Variants in SCARA3 observed in about 807,000 individuals in gnomAD.
SCARA3 encodes the protein cellular stress response gene protein.
A neutral mutation model predicts 47.0 loss-of-function variants in SCARA3; 39 were observed. The ratio of observed to expected loss-of-function variants is 0.83; its 90% CI spans 0.64 to 1.08. The LOEUF (loss-of-function observed/expected upper bound fraction) is 1.08. Among genes scored for constraint, SCARA3 ranks in the 50% least tolerant of loss-of-function variants. SCARA3 has a pLI of 0.00. For missense variants in SCARA3, 724 were observed against 792.3 expected, an observed-to-expected ratio of 0.91 and a Z score of 1.04; for synonymous variants, 356 against 334.1, an observed-to-expected ratio of 1.07 and a Z score of -0.71.
In SCARA3 at chr8:27,671,561, CACAT is replaced by C. The variant is rs1802157939; in HGVS notation, c.*211_*214del. 1.6e-6 allele frequency: 2 copies of C among 1,273,316 alleles called. No individual in the cohort carries two copies. The highest frequency in any genetic ancestry group is 2.0e-6 in the Non-Finnish European group (2 of 1,013,412). 78.9% of individuals were successfully genotyped at this position (1,273,316 alleles called of 1,614,324 possible). On this transcript the variant is annotated 3_prime_UTR_variant, in exon 6 of 6. Transcript: ENST00000301904. Reference sequence around the variant, plus strand: ...TCACACATACATGTGCACATGCACACACATGCATGCACACACATGCACACATACA... The same window carrying C: ...TCACACATACATGTGCACATGCACACGCATGCACACACATGCACACATACA...
chr8:27,669,120 T>A (rs1435025134), intron 5 of SCARA3, among the ~76,000 whole-genome samples: 1 of 151,570 alleles, frequency 6.6e-6, no homozygotes. Context: ...GGGGGAGAAG[T>A]GAGCCCAGGA....
chr8:27,705,118 C>T, the SCARA3 span, among the ~76,000 whole-genome samples: 1 of 152,134 alleles, frequency 6.6e-6, no homozygotes, highest in African/African-American at 2.4e-5. Context: ...ACCCTGCATC[C>T]CCCATCAAAA....
At chr8:27,668,583 G>A (rs1334750385) in intron 5 of SCARA3, among the ~76,000 whole-genome samples, 1 of 151,408 alleles carries the variant, frequency 6.6e-6, no homozygotes, top group East Asian at 1.9e-4. Flanking sequence ...ATATAGGCCA[G>A]GTGGGATGGC....
chr8:27,670,820 G>T, intron 5 of SCARA3, 80 bp from the exon 6 acceptor site: 4 of 1,228,064 alleles, frequency 3.3e-6, no homozygotes, highest in Non-Finnish European at 4.5e-6. Flanking sequence ...GGCTGTCGCC[G>T]TGCCCGCTCT....
At chr8:27,644,786 C>A (rs780947004) in intron 1 of SCARA3, among the ~76,000 whole-genome samples, 22 of 152,176 alleles carry the variant, frequency 1.4e-4, no homozygotes, top group Non-Finnish European at 2.8e-4. Context: ...AGGCACTCCT[C>A]GATTTTCAGC....
chr8:27,729,868 T>C, the SCARA3 span, among the ~76,000 whole-genome samples: 1 of 152,070 alleles, frequency 6.6e-6, no homozygotes, highest in Non-Finnish European at 1.5e-5. Context: ...CCGCGGAAGG[T>C]AGAGTCTAGG....
In SCARA3 at chr8:27,671,761, CAT is replaced by C. The variant is rs202068623; in HGVS notation, c.*411_*412del. 1.1e-4 allele frequency: 107 copies of C among 1,005,900 alleles called. 1 individual carries two copies. The East Asian group carries it at 8.2e-3, about 77-fold the overall frequency. 62.3% of individuals were successfully genotyped at this position (1,005,900 alleles called of 1,614,324 possible). A position where few individuals can be genotyped will look rare whatever the true frequency, so the allele number is the denominator to read the frequency against. On this transcript the variant is annotated 3_prime_UTR_variant, in exon 6 of 6. Coordinates refer to ENST00000301904, the MANE Select transcript of SCARA3 (RefSeq NM_016240.3). ...GCACACATATATGCACAGGCACACA[CAT>C]GTACGCACACACACATGCACTGCAC...
At chr8:27,660,542 G>A (rs1202350364) in intron 5 of SCARA3, among the ~76,000 whole-genome samples, 1 of 151,378 alleles carries the variant, frequency 6.6e-6, no homozygotes, top group Non-Finnish European at 1.5e-5. Context: ...GAGATAGATA[G>A]ATAGATAGAT....
chr8:27,732,100 G>A, the SCARA3 span, among the ~76,000 whole-genome samples: 2 of 152,196 alleles, frequency 1.3e-5, no homozygotes, highest in African/African-American at 4.8e-5. Context: ...ACACCAGCAG[G>A]AGCCCAGGCA....
the SCARA3 span, among the ~76,000 whole-genome samples, chr8:27,710,058 G>C: frequency 1.3e-5 from 2 of 152,008 alleles, no homozygotes; most frequent in African/African-American, 4.8e-5. Flanking sequence ...CTGAAACCGC[G>C]TCTCTACTAC....
the SCARA3 span, among the ~76,000 whole-genome samples, chr8:27,709,019 A>G: frequency 6.6e-6 from 1 of 152,316 alleles, no homozygotes; most frequent in East Asian, 1.9e-4. Flanking sequence ...TCTTCTGGGT[A>G]GGAAGCACAG....
downstream of SCARA3, among the ~76,000 whole-genome samples, chr8:27,676,209 T>C (rs1178769574): frequency 3.3e-5 from 5 of 152,208 alleles, no homozygotes; most frequent in African/African-American, 1.2e-4. Flanking sequence ...AGACCTGTGT[T>C]TGCATCTGAG....
At chr8:27,699,252 A>G in the SCARA3 span, among the ~76,000 whole-genome samples, 617 of 150,816 alleles carry the variant, frequency 4.1e-3, 6 homozygotes, top group African/African-American at 0.014. Flanking sequence ...TCAAATAAAA[A>G]TTAAAAAAAA....
intron 3 of SCARA3, among the ~76,000 whole-genome samples, chr8:27,652,221 G>A (rs1436636424): frequency 5.9e-5 from 9 of 152,230 alleles, no homozygotes; most frequent in African/African-American, 1.9e-4. Context: ...TCTGAGGTTT[G>A]GTTCTTCTCA....
chr8:27,726,893 C>A, the SCARA3 span, among the ~76,000 whole-genome samples: 22 of 151,962 alleles, frequency 1.4e-4, no homozygotes, highest in Non-Finnish European at 2.6e-4. Flanking sequence ...TCAAGCAATT[C>A]TCCTGCCTCA....
At chr8:27,660,013 G>GAGAA (rs1348261596) in intron 5 of SCARA3, among the ~76,000 whole-genome samples, 1 of 151,950 alleles carries the variant, frequency 6.6e-6, no homozygotes, top group Non-Finnish European at 1.5e-5. Context: ...AGTCCTAATA[G>GAGAA]AGAAATAAGC....
chr8:27,712,895 A>G, the SCARA3 span, among the ~76,000 whole-genome samples: 1 of 152,342 alleles, frequency 6.6e-6, no homozygotes, highest in South Asian at 2.1e-4. Context: ...ACTCATGAAA[A>G]AGTTCCAAGT....
At chr8:27,703,071 G>A in the SCARA3 span, 10 of 152,528 alleles carry the variant, frequency 6.6e-5, no homozygotes, top group African/African-American at 2.4e-4. Flanking sequence ...AACTGGCATG[G>A]AACCCAGGGC....
At chr8:27,691,618 T>C in the SCARA3 span, among the ~76,000 whole-genome samples, 1 of 152,170 alleles carries the variant, frequency 6.6e-6, no homozygotes, top group Admixed American at 6.5e-5. Context: ...CCTGTAAATT[T>C]CAGTGCACAA....
Sources: gnomAD v4.1 joint callset for allele counts (sites outside exome capture counted in the v4.1 genomes callset) on GRCh38, gnomAD v4.1.1 for gene constraint, MANE v1.5 for transcripts, NCBI Gene and HGNC (gene_info 2026-07-23, HGNC 2026-07-21) for gene names.